The following NUP93 variants were observed in gnomAD, a reference collection of about 807,000 sequenced individuals.
NUP93 encodes nucleoporin 93.
A neutral mutation model predicts 107.8 loss-of-function variants in NUP93; 55 were observed. That is an observed-to-expected ratio of 0.51 (90% CI 0.41 to 0.64). The LOEUF (loss-of-function observed/expected upper bound fraction) is 0.64. Ranked by LOEUF, NUP93 falls within the 30% of genes least tolerant of loss-of-function variation. The probability of loss-of-function intolerance (pLI) is 0.00; values close to 1 mark genes in which losing one functional copy is unlikely to be tolerated. For missense variants in NUP93, 937 were observed against 1,044.7 expected, an observed-to-expected ratio of 0.90 and a Z score of 1.42; for synonymous variants, 390 against 397.5, an observed-to-expected ratio of 0.98 and a Z score of 0.22.
chr16:56,836,689 A>T lies in NUP93; in HGVS notation c.1871A>T (p.Glu624Val). ...GCAGAAAATAAAGGACTGTTTGAAG[A>T]GGCAGCAAAGCTGTATGACCTTGCC... ...SVAENKGLFEEAAKLYDLAKN... is the reference protein window; with the variant it reads ...SVAENKGLFEVAAKLYDLAKN... Residue 624 changes from glutamate to valine, a missense_variant, in exon 17 of 22, where the codon GAG becomes GTG. Physicochemically the swap from Glu to Val is moderately radical, Grantham distance 121. Transcript: ENST00000308159. 1 of 1,613,910 alleles carries T rather than the reference A, an allele frequency of 6.2e-7. No individual in the cohort carries two copies. Among genetic ancestry groups the T allele is most frequent in the South Asian group, 1.1e-5 (1 of 91,074 alleles).
At chr16:56,817,352 C>G (rs74327135) in intron 5 of NUP93, among the ~76,000 whole-genome samples, 2 of 152,176 alleles carry the variant, frequency 1.3e-5, no homozygotes, top group African/African-American at 2.4e-5. Flanking sequence ...CTCTCTCCCC[C>G]TCTCCTGGTG....
At chr16:56,829,221 A>ACC in intron 9 of NUP93, 112 bp downstream of exon 9, 1 of 1,309,436 alleles carries the variant, frequency 7.6e-7, no homozygotes, top group Middle Eastern at 2.0e-4. Flanking sequence ...TGGAGATGGG[A>ACC]CCAGAGAGGG....
intron 3 of NUP93, among the ~76,000 whole-genome samples, chr16:56,764,199 A>G (rs1962178343): frequency 6.6e-6 from 1 of 152,194 alleles, no homozygotes; most frequent in South Asian, 2.1e-4. Flanking sequence ...AAGTTTAAAA[A>G]TGAATCAATG....
intron 1 of NUP93, among the ~76,000 whole-genome samples, chr16:56,746,761 C>G (rs930666644): frequency 6.6e-6 from 1 of 152,116 alleles, no homozygotes; most frequent in African/African-American, 2.4e-5. Context: ...TAGTGTCACC[C>G]CGGCTGGGTG....
chr16:56,765,901 A>G (rs1213143660), intron 3 of NUP93, among the ~76,000 whole-genome samples: 1 of 152,222 alleles, frequency 6.6e-6, no homozygotes, highest in Admixed American at 6.5e-5. Flanking sequence ...CCTGTCCATG[A>G]TAAGGGAAAA....
chr16:56,770,912 A>AC (rs1398710476), intron 3 of NUP93, among the ~76,000 whole-genome samples: 1 of 152,004 alleles, frequency 6.6e-6, no homozygotes, highest in South Asian at 2.1e-4. Flanking sequence ...AAAATTAAAA[A>AC]AAAAAAGAAA....
chr16:56,808,171 CTA>C (rs1176642411), intron 5 of NUP93, among the ~76,000 whole-genome samples: 5 of 86,404 alleles, frequency 5.8e-5, no homozygotes, highest in African/African-American at 9.1e-5. Flanking sequence ...AGTTATATAA[CTA>C]TATAAAATAT....
chr16:56,839,007 C>G lies in NUP93; in HGVS notation c.2074C>G (p.Leu692Val), dbSNP rs1842211110. Reference sequence around the variant, plus strand: ...ATTTGTGGACTCCACGTTCTATCTTCTTTTGGACTTGATCACCTTTTTTGA... The same window carrying G: ...ATTTGTGGACTCCACGTTCTATCTTGTTTTGGACTTGATCACCTTTTTTGA... The part of the protein sequence containing the change: ...NKFVDSTFYL[L>V]LDLITFFDEY... The change falls in exon 19 of 22, where the codon CTT (leucine) becomes GTT (valine). Residue 692 changes from leucine (L) to valine (V), a missense_variant. Transcript: ENST00000308159. 3.1e-6 allele frequency: 5 copies of G among 1,613,962 alleles called. No homozygotes were observed. The highest frequency in any genetic ancestry group is 1.3e-5 in the African/African-American group (1 of 74,886).
chr16:56,826,041 A>G (rs1276444742), intron 8 of NUP93, among the ~76,000 whole-genome samples: 1 of 152,194 alleles, frequency 6.6e-6, no homozygotes, highest in Non-Finnish European at 1.5e-5. Context: ...TCCCTGCCAC[A>G]TTCCAAGATT....
intron 3 of NUP93, among the ~76,000 whole-genome samples, chr16:56,792,316 C>T (rs1962783752): frequency 6.6e-6 from 1 of 152,096 alleles, no homozygotes. Context: ...CATTTCTTTC[C>T]TATGTAATGT....
intron 2 of NUP93, among the ~76,000 whole-genome samples, chr16:56,754,205 AAGTCTTGCCCCTATGGTCC>A (rs1961975907): frequency 6.6e-6 from 1 of 151,198 alleles, no homozygotes; most frequent in African/African-American, 2.4e-5. Context: ...AGCAAAGGGG[AAGTCTTGCCCCTATGGTCC>A]AGTCATCTCC....
In NUP93 at chr16:56,740,485, G is replaced by A. The variant is rs1484561701; in HGVS notation, c.-14-7749G>A. ...GATGTGATGGCGGCTGGGAAGAGGC[G>A]CTCCTCACTTCCTAGATGGGATGGC... is the stretch of plus-strand genomic sequence containing the variant. On this transcript the variant is annotated intron_variant, in intron 1 of 21. Transcript: ENST00000308159. Among the ~76,000 whole-genome samples the A allele has an allele frequency of 1.3e-4, 19 of 148,972 alleles. No individual in the cohort carries two copies. The East Asian group carries it at 2.4e-3, about 19-fold the overall frequency.
chr16:56,849,293 G>C lies in NUP93; in HGVS notation c.*4684G>C, dbSNP rs1359722528. 1 of 152,284 alleles carries C rather than the reference G, an allele frequency of 6.6e-6. No homozygotes were observed. The highest frequency in any genetic ancestry group is 2.4e-5 in the African/African-American group (1 of 41,464). The allele number at this position is 152,284 out of a possible 1,614,324, so 9.4% of individuals were successfully genotyped here. A position where few individuals can be genotyped will look rare whatever the true frequency, so the allele number is the denominator to read the frequency against. On this transcript the variant is annotated 3_prime_UTR_variant, in exon 22 of 22. Coordinates refer to ENST00000308159, the MANE Select transcript of NUP93 (RefSeq NM_014669.5). ...GCAGCAGGGAAACATTGAGAAGGGG[G>C]TGGAAATTTGATGTACTGTGAATAA...
intron 5 of NUP93, among the ~76,000 whole-genome samples, chr16:56,806,593 T>C (rs1367729833): frequency 4.6e-5 from 7 of 152,172 alleles, no homozygotes; most frequent in African/African-American, 1.7e-4. Flanking sequence ...ACATGGCTGT[T>C]GGCAAACCTT....
intron 3 of NUP93, among the ~76,000 whole-genome samples, chr16:56,777,963 G>T (rs1323183601): frequency 6.6e-6 from 1 of 152,156 alleles, no homozygotes; most frequent in African/African-American, 2.4e-5. Context: ...TTTGTTCAGT[G>T]CCCGTTAAGG....
chr16:56,770,788 G>T (rs1214633891), intron 3 of NUP93, among the ~76,000 whole-genome samples: 1 of 152,116 alleles, frequency 6.6e-6, no homozygotes, highest in Non-Finnish European at 1.5e-5. Flanking sequence ...CATAGGCCGG[G>T]CGCAGTAGCT....
chr16:56,823,219 T>C (rs1328350611), intron 7 of NUP93, among the ~76,000 whole-genome samples: 10 of 152,174 alleles, frequency 6.6e-5, no homozygotes, highest in African/African-American at 2.2e-4. Context: ...GTAAGAGCGG[T>C]GGCCCCTGGA....
intron 5 of NUP93, among the ~76,000 whole-genome samples, chr16:56,809,518 C>A (rs571793003): frequency 6.6e-6 from 1 of 152,152 alleles, no homozygotes; most frequent in South Asian, 2.1e-4. Context: ...CCTGATAAGT[C>A]TTTTTTTCCC....
At chr16:56,788,042 C>G (rs1038669187) in intron 3 of NUP93, among the ~76,000 whole-genome samples, 2 of 152,200 alleles carry the variant, frequency 1.3e-5, no homozygotes, top group African/African-American at 4.8e-5. Context: ...TCTTTTCTTG[C>G]GTCTCCAAAG....
Sources: allele counts gnomAD v4.1 joint callset (sites outside exome capture counted in the v4.1 genomes callset), GRCh38; gene constraint gnomAD v4.1.1; transcripts MANE v1.5; gene names NCBI Gene and HGNC (gene_info 2026-07-23, HGNC 2026-07-21).